Variants in WDPCP observed in about 807,000 individuals in gnomAD.
WDPCP encodes WD repeat containing planar cell polarity effector.
A neutral mutation model predicts 93.1 loss-of-function variants in WDPCP; 71 were observed. The observed-to-expected ratio is 0.76, with a 90% CI of 0.63 to 0.93. The LOEUF is 0.93. Among genes scored for constraint, WDPCP ranks in the 40% least tolerant of loss-of-function variants. The pLI, the probability that WDPCP is intolerant of heterozygous loss-of-function variation, is 0.00. For missense variants in WDPCP, 844 were observed against 887.4 expected (o/e 0.95, Z 0.62); for synonymous variants, 315 against 315.0 (o/e 1.00, Z 0.00).
intron 14 of WDPCP, among the ~76,000 whole-genome samples, chr2:63,234,262 G>A (rs1422718378): frequency 6.6e-6 from 1 of 151,638 alleles, no homozygotes; most frequent in African/African-American, 2.4e-5. Context: ...AACAACACCT[G>A]TTACCATCTA....
At chr2:63,836,868 C>T in the WDPCP span, among the ~76,000 whole-genome samples, 1 of 152,168 alleles carries the variant, frequency 6.6e-6, no homozygotes, top group African/African-American at 2.4e-5. Flanking sequence ...TAAACATGAA[C>T]AAGATAATGT....
chr2:63,548,691 C>T (rs1035824790), intron 1 of WDPCP, among the ~76,000 whole-genome samples: 2 of 151,276 alleles, frequency 1.3e-5, no homozygotes, highest in African/African-American at 4.9e-5. Context: ...ACCGAGCTCT[C>T]GCCATGTTGC....
At chr2:63,491,892 A>G (rs1169435556) in intron 2 of WDPCP, among the ~76,000 whole-genome samples, 2 of 151,978 alleles carry the variant, frequency 1.3e-5, no homozygotes, top group Non-Finnish European at 2.9e-5. Context: ...ATCTCTGCTA[A>G]TTCCTCTTTC....
intron 7 of WDPCP, 25 bp downstream of exon 7, chr2:63,439,732 T>C: frequency 1.3e-6 from 2 of 1,597,956 alleles, no homozygotes; most frequent in Non-Finnish European, 1.7e-6. Flanking sequence ...ATGTAGGCAA[T>C]TGATTTGCAC....
intron 12 of WDPCP, among the ~76,000 whole-genome samples, chr2:63,361,388 A>G (rs1001700784): frequency 6.6e-6 from 1 of 152,222 alleles, no homozygotes; most frequent in Non-Finnish European, 1.5e-5. Flanking sequence ...AATTACACCA[A>G]GCATGGGGTT....
intron 14 of WDPCP, among the ~76,000 whole-genome samples, chr2:63,176,209 T>C (rs1022051530): frequency 6.6e-6 from 1 of 152,196 alleles, no homozygotes; most frequent in Admixed American, 6.5e-5. Context: ...TGTTGGTCAT[T>C]TGTATACCTT....
At chr2:63,311,381 A>G (rs1214496392) in intron 13 of WDPCP, among the ~76,000 whole-genome samples, 1 of 152,186 alleles carries the variant, frequency 6.6e-6, no homozygotes, top group African/African-American at 2.4e-5. Context: ...AAATCCTTTT[A>G]GGCAATTTCT....
At chr2:63,248,116 T>G (rs1199653103) in intron 14 of WDPCP, among the ~76,000 whole-genome samples, 2 of 152,164 alleles carry the variant, frequency 1.3e-5, no homozygotes, top group African/African-American at 4.8e-5. Context: ...CTAAAGAGCT[T>G]TATAATTATT....
chr2:63,776,491 C>A (rs1023542811), intron 2 of WDPCP, among the ~76,000 whole-genome samples: 1 of 151,336 alleles, frequency 6.6e-6, no homozygotes, highest in Non-Finnish European at 1.5e-5. Context: ...CCCATATCTA[C>A]AAAAAATACA....
chr2:63,594,471 G>A, intron 3 of WDPCP: 1 of 1,569,582 alleles, frequency 6.4e-7, no homozygotes. Flanking sequence ...GATGTTAATG[G>A]GTCTTTTTCA....
chr2:63,278,000 C>A (rs142799039), intron 13 of WDPCP, among the ~76,000 whole-genome samples: 1 of 152,140 alleles, frequency 6.6e-6, no homozygotes, highest in African/African-American at 2.4e-5. Flanking sequence ...ATATGAAGAC[C>A]ATATGACAGG....
chr2:63,528,740 A>G (rs1027993815), intron 1 of WDPCP, among the ~76,000 whole-genome samples: 8 of 152,206 alleles, frequency 5.3e-5, no homozygotes, highest in Non-Finnish European at 1.2e-4. Context: ...TGTTTTTCCA[A>G]TTCTGTGAAG....
chr2:63,600,733 G>A lies in WDPCP; in HGVS notation n.488+49926C>T, dbSNP rs372149714. On this transcript the variant is annotated intron_variant and non_coding_transcript_variant, in intron 3 of 4. Coordinates refer to the WDPCP transcript ENST00000467687. ...TTAGCTTAAAGTGCAAATATTCCCTGAGAGGCTATAGGCTGTGAGCTGGGT... is the reference window on the plus strand; with the variant it reads ...TTAGCTTAAAGTGCAAATATTCCCTAAGAGGCTATAGGCTGTGAGCTGGGT... 2.0e-5 allele frequency among the ~76,000 whole-genome samples: 3 copies of A among 152,094 alleles called. No homozygotes were observed. The East Asian group carries it at 5.8e-4, about 29-fold the overall frequency.
intron 3 of WDPCP, chr2:63,622,795 T>C (rs1709760787): frequency 1.3e-5 from 21 of 1,612,428 alleles, no homozygotes; most frequent in Non-Finnish European, 1.5e-5. Flanking sequence ...TCCCAGGAAC[T>C]CCGGAGCACG....
At chr2:63,326,126 G>C (rs536537456) in intron 12 of WDPCP, among the ~76,000 whole-genome samples, 157 of 152,310 alleles carry the variant, frequency 1.0e-3, no homozygotes, top group Non-Finnish European at 1.5e-3. Flanking sequence ...AAAGTTTATG[G>C]CTATCGGACA....
chr2:63,571,899 T>C (rs1707534138), intron 1 of WDPCP, among the ~76,000 whole-genome samples: 1 of 152,194 alleles, frequency 6.6e-6, no homozygotes, highest in Non-Finnish European at 1.5e-5. Context: ...TATTTTACTC[T>C]CTCCCATGTA....
chr2:63,274,102 C>T (rs1466018539), intron 13 of WDPCP, among the ~76,000 whole-genome samples: 4 of 152,008 alleles, frequency 2.6e-5, no homozygotes, highest in Non-Finnish European at 4.4e-5. Context: ...ATGTGTTAGG[C>T]CACAAAACAA....
At chr2:63,377,719 T>C (rs1049844046) in intron 12 of WDPCP, 2 of 151,572 alleles carry the variant, frequency 1.3e-5, no homozygotes, top group African/African-American at 2.4e-5. Context: ...GCCACATTTA[T>C]ATATGTATCC....
intron 2 of WDPCP, among the ~76,000 whole-genome samples, chr2:63,743,847 T>C (rs1372050557): frequency 1.3e-5 from 2 of 152,166 alleles, no homozygotes; most frequent in East Asian, 3.8e-4. Flanking sequence ...ATTCATTGCT[T>C]ATCACTCTTT....
Sources: gnomAD v4.1 joint callset for allele counts (sites outside exome capture counted in the v4.1 genomes callset) on GRCh38, gnomAD v4.1.1 for gene constraint, MANE v1.5 for transcripts, NCBI Gene and HGNC (gene_info 2026-07-23, HGNC 2026-07-21) for gene names.